The following TUSC3 variants were observed in gnomAD, a reference collection of about 807,000 sequenced individuals.
The protein encoded by TUSC3 is dolichyl-diphosphooligosaccharide--protein glycosyltransferase subunit TUSC3.
In TUSC3, 45 loss-of-function variants were observed where a neutral mutation model predicts 44.8. The ratio of observed to expected loss-of-function variants is 1.00; its 90% CI spans 0.79 to 1.29. The LOEUF (loss-of-function observed/expected upper bound fraction) is 1.29, where lower values mean the gene tolerates loss of function less well. Among genes scored for constraint, TUSC3 ranks in the 50% most tolerant of loss-of-function variants. The pLI, the probability that TUSC3 is intolerant of heterozygous loss-of-function variation, is 0.00. For missense variants in TUSC3, 519 were observed against 437.9 expected (o/e 1.19, Z -1.65); for synonymous variants, 212 against 152.9 (o/e 1.39, Z -2.85).
intron 8 of TUSC3, among the ~76,000 whole-genome samples, chr8:15,746,016 G>C (rs62503676): frequency 6.6e-6 from 1 of 152,100 alleles, no homozygotes; most frequent in Non-Finnish European, 1.5e-5. Context: ...ATTGGATAGA[G>C]AGTCCTCTCC....
chr8:15,755,895 T>G lies in TUSC3; in HGVS notation c.1029-1896T>G, dbSNP rs189421801. The stretch of plus-strand genomic sequence containing the variant: ...GGACATCATATTCTTCACATATGGG[T>G]AACTACCTTATCAATATTTTTCACT... On this transcript the variant is annotated intron_variant, in intron 9 of 10. Transcript: ENST00000503731. Among the ~76,000 whole-genome samples, 371 of 152,274 alleles carry G rather than the reference T, an allele frequency of 2.4e-3. 1 individual carries two copies. Among genetic ancestry groups the G allele is most frequent in the African/African-American group, 8.3e-3 (345 of 41,562 alleles).
intron 2 of TUSC3, among the ~76,000 whole-genome samples, chr8:15,515,062 C>A (rs1394935388): frequency 6.6e-6 from 1 of 151,964 alleles, no homozygotes; most frequent in East Asian, 1.9e-4. Flanking sequence ...TTCTTTTCCA[C>A]CGATGGAAAA....
intron 1 of TUSC3, among the ~76,000 whole-genome samples, chr8:15,596,459 C>A (rs957890382): frequency 6.6e-6 from 1 of 152,068 alleles, no homozygotes; most frequent in African/African-American, 2.4e-5. Context: ...GCCAACTTTT[C>A]TTATATGCAT....
At chr8:15,538,605 T>A (rs1801567399), upstream of TUSC3, among the ~76,000 whole-genome samples, 1 of 152,174 alleles carries the variant, frequency 6.6e-6, no homozygotes, top group Non-Finnish European at 1.5e-5. Flanking sequence ...GTTCTTAATC[T>A]GGAGTCCATG....
the TUSC3 span, among the ~76,000 whole-genome samples, chr8:15,849,307 T>TA: frequency 6.6e-6 from 1 of 152,176 alleles, no homozygotes; most frequent in Non-Finnish European, 1.5e-5. Flanking sequence ...ATTTTATACC[T>TA]AAAACCAAAC....
chr8:15,777,749 TAGC>T, the TUSC3 span, among the ~76,000 whole-genome samples: 1 of 152,196 alleles, frequency 6.6e-6, no homozygotes, highest in African/African-American at 2.4e-5. Context: ...TAATGGCAAT[TAGC>T]TAACTTCCTG....
At chr8:15,729,694 C>T (rs1810639129) in intron 6 of TUSC3, among the ~76,000 whole-genome samples, 2 of 151,766 alleles carry the variant, frequency 1.3e-5, no homozygotes, top group Non-Finnish European at 2.9e-5. Context: ...AACAGTAGAC[C>T]CTGGGGCTTA....
intron 1 of TUSC3, among the ~76,000 whole-genome samples, chr8:15,589,969 C>T (rs2042993): frequency 0.22 from 33,285 of 151,968 alleles, 3,812 homozygotes; most frequent in East Asian, 0.45. Context: ...TTTTGGTAGG[C>T]GTAGATTTCA....
chr8:15,797,403 C>T, the TUSC3 span, among the ~76,000 whole-genome samples: 1 of 151,922 alleles, frequency 6.6e-6, no homozygotes, highest in Non-Finnish European at 1.5e-5. Context: ...TCCTTGATGC[C>T]AGAGGGACTT....
chr8:15,630,684 T>C (rs1322310425), intron 2 of TUSC3, among the ~76,000 whole-genome samples: 1 of 152,176 alleles, frequency 6.6e-6, no homozygotes, highest in Non-Finnish European at 1.5e-5. Flanking sequence ...TGTGTCTTGC[T>C]TTTGTGTTCC....
chr8:15,475,178 T>A (rs1057109381), intron 1 of TUSC3, among the ~76,000 whole-genome samples: 1 of 152,136 alleles, frequency 6.6e-6, no homozygotes, highest in African/African-American at 2.4e-5. Context: ...CTATCCTATT[T>A]AGTCGTCAAC....
intron 1 of TUSC3, among the ~76,000 whole-genome samples, chr8:15,469,179 T>C (rs1416702842): frequency 6.6e-6 from 1 of 152,154 alleles, no homozygotes; most frequent in Non-Finnish European, 1.5e-5. Flanking sequence ...TTCATTAAAA[T>C]TAAACTTCTT....
intron 6 of TUSC3, among the ~76,000 whole-genome samples, chr8:15,696,534 A>G (rs771975557): frequency 6.6e-6 from 1 of 152,114 alleles, no homozygotes; most frequent in African/African-American, 2.4e-5. Flanking sequence ...ACCGCCTCGT[A>G]GAGATGTGAG....
chr8:15,730,613 A>G, intron 6 of TUSC3, 53 bp from the exon 7 acceptor site: 1 of 1,574,704 alleles, frequency 6.4e-7, no homozygotes, highest in Non-Finnish European at 8.7e-7. Context: ...TAAAACTACA[A>G]AATAATTATG....
chr8:15,460,496 C>T (rs569041409), intron 1 of TUSC3, among the ~76,000 whole-genome samples: 49 of 152,308 alleles, frequency 3.2e-4, no homozygotes, highest in African/African-American at 1.2e-3. Context: ...TCTGTCTACT[C>T]TGCTGACTGT....
At chr8:15,586,520 C>A (rs1242575309) in intron 1 of TUSC3, among the ~76,000 whole-genome samples, 1 of 152,082 alleles carries the variant, frequency 6.6e-6, no homozygotes, top group Non-Finnish European at 1.5e-5. Context: ...TTTCCTGGAA[C>A]ACAAGTAAAG....
In TUSC3 at chr8:15,766,147, TA is replaced by T. The variant is rs1391380974; in HGVS notation, c.*1996del. 2 of 152,076 alleles carry T rather than the reference TA, an allele frequency of 1.3e-5. No homozygotes were observed. Among genetic ancestry groups the T allele is most frequent in the African/African-American group, 4.8e-5 (2 of 41,430 alleles). 9.4% of individuals were successfully genotyped at this position (152,076 alleles called of 1,614,324 possible). On this transcript the variant is annotated 3_prime_UTR_variant, in exon 11 of 11. Transcript: ENST00000503731. ...GAGCATTTAAAATTACATCCAGTGA[TA>T]AAAACAATATTTTTTTTTCAGAATT...
chr8:15,745,169 T>A (rs1016151623), intron 8 of TUSC3, among the ~76,000 whole-genome samples: 1 of 152,124 alleles, frequency 6.6e-6, no homozygotes, highest in Non-Finnish European at 1.5e-5. Context: ...ATACCACATT[T>A]TCTTTATCTA....
At chr8:15,716,601 T>C (rs1037827666) in intron 6 of TUSC3, among the ~76,000 whole-genome samples, 1 of 152,144 alleles carries the variant, frequency 6.6e-6, no homozygotes, top group African/African-American at 2.4e-5. Flanking sequence ...TGACGAAATA[T>C]ACTTTGAAAT....
Sources: allele counts gnomAD v4.1 joint callset (sites outside exome capture counted in the v4.1 genomes callset), GRCh38; gene constraint gnomAD v4.1.1; transcripts MANE v1.5; gene names NCBI Gene and HGNC (gene_info 2026-07-23, HGNC 2026-07-21).